Variants in CACNA1B observed in about 807,000 individuals in gnomAD.
CACNA1B encodes voltage-dependent N-type calcium channel subunit alpha-1B.
Under a neutral mutation model 247.2 loss-of-function variants are expected in CACNA1B, and 70 were observed. The ratio of observed to expected loss-of-function variants is 0.28; its 90% confidence interval spans 0.23 to 0.35. The LOEUF is 0.35. Ranked by LOEUF, CACNA1B falls within the 10% of genes least tolerant of loss-of-function variation. The probability of loss-of-function intolerance (pLI) is 1.00; values close to 1 mark genes in which losing one functional copy is unlikely to be tolerated. For missense variants in CACNA1B, 2,367 were observed against 3,197.4 expected (o/e 0.74, Z 6.26); for synonymous variants, 1,231 against 1,294.4 (o/e 0.95, Z 1.05).
At chr9:138,005,895 T>A (rs1181260610) in intron 15 of CACNA1B, among the ~76,000 whole-genome samples, 1 of 151,862 alleles carries the variant, frequency 6.6e-6, no homozygotes, top group Non-Finnish European at 1.5e-5. Flanking sequence ...TACAAAAAAT[T>A]AGCCGGGTGA....
At chr9:137,906,516 A>G (rs973432569) in intron 3 of CACNA1B, among the ~76,000 whole-genome samples, 7 of 151,618 alleles carry the variant, frequency 4.6e-5, no homozygotes, top group African/African-American at 1.2e-4. Context: ...CTGCATGTCC[A>G]TGTGTTGTCT....
At chr9:137,898,063 C>G (rs1437908066) in intron 3 of CACNA1B, among the ~76,000 whole-genome samples, 1 of 152,150 alleles carries the variant, frequency 6.6e-6, no homozygotes, top group Non-Finnish European at 1.5e-5. Context: ...GATTTCCCCT[C>G]CATTCCCCAA....
intron 6 of CACNA1B, among the ~76,000 whole-genome samples, chr9:137,922,333 C>T (rs1208913468): frequency 6.6e-6 from 1 of 151,274 alleles, no homozygotes; most frequent in African/African-American, 2.4e-5. Context: ...TGATCAGCAC[C>T]GCGATCACAC....
rs202158555 is a variant in CACNA1B at position 137,882,732 on chromosome 9, C to T, written c.391-12C>T. 4.5e-5 allele frequency: 72 copies of T among 1,613,820 alleles called. 1 individual carries two copies. The highest frequency in any genetic ancestry group is 2.2e-4 in the South Asian group (20 of 91,080). On this transcript the variant is annotated splice_polypyrimidine_tract_variant and intron_variant, in intron 2 of 46. Transcript: ENST00000371372. The surrounding 1 kb of genome is among the most constrained non-coding windows in gnomAD (Gnocchi z 4.0). ...GGGGCCAGGGGTGACCACTGTTCTG[C>T]GCTTCTCCTAGGACGACACGGAGCC...
Position 138,045,494 on chromosome 9 carries a change from G to A in CACNA1B, c.3414-1410G>A, listed in dbSNP as rs893504602. Among the ~76,000 whole-genome samples the A allele has an allele frequency of 3.0e-4, 46 of 152,204 alleles. 2 individuals are homozygous for A. Among genetic ancestry groups the A allele is most frequent in the African/African-American group, 9.9e-4 (41 of 41,450 alleles). ...TACAGAATTTGGTGATAAATTAGAT[G>A]TGGAAGGGGAAGGAGACATCGAGGA... On this transcript the variant is annotated intron_variant, in intron 21 of 46. Coordinates refer to ENST00000371372, the MANE Select transcript of CACNA1B (RefSeq NM_000718.4).
Position 138,115,569 on chromosome 9 carries a change from G to T in CACNA1B, c.5667G>T (p.Leu1889=). 1 of 1,613,514 alleles carries T rather than the reference G, an allele frequency of 6.2e-7. No homozygotes were observed. Among genetic ancestry groups the T allele is most frequent in the Non-Finnish European group, 8.5e-7 (1 of 1,179,818 alleles). Residue 1889 remains leucine, a synonymous_variant, in exon 42 of 47, where the codon CTG becomes CTT. Transcript: ENST00000371372. ...GGLSQMGPVS[L]FHPLKATLEQ... ...CTTTGCAGATGGGTCCTGTGTCCCT[G>T]TTCCACCCTCTGAAGGCCACCCTGG...
intron 6 of CACNA1B, among the ~76,000 whole-genome samples, chr9:137,932,719 G>A (rs1355649090): frequency 1.3e-5 from 2 of 152,144 alleles, no homozygotes; most frequent in Non-Finnish European, 2.9e-5. Flanking sequence ...AAGGGAAACC[G>A]TGAATGCAGC....
intron 7 of CACNA1B, among the ~76,000 whole-genome samples, chr9:137,953,729 G>A (rs996548653): frequency 1.3e-5 from 2 of 152,162 alleles, no homozygotes; most frequent in South Asian, 2.1e-4. Flanking sequence ...GAGAACAGCT[G>A]GGGTGGAGGC....
At chr9:138,096,389 C>T in intron 36 of CACNA1B, 95 bp from the exon 37 acceptor site, 1 of 1,054,054 alleles carries the variant, frequency 9.5e-7, no homozygotes, top group South Asian at 1.4e-5. Flanking sequence ...CCCTGCTATC[C>T]TGAGAGCTTC....
At chr9:138,085,411 A>G (rs1589119472) in intron 36 of CACNA1B, among the ~76,000 whole-genome samples, 1 of 151,134 alleles carries the variant, frequency 6.6e-6, no homozygotes, top group Non-Finnish European at 1.5e-5. Flanking sequence ...GCAAAAAAAT[A>G]TTTTATGGGT....
At chr9:138,118,564 C>T (rs1218674015) in intron 43 of CACNA1B, 88 bp from the exon 44 acceptor site, 60 of 665,986 alleles carry the variant, frequency 9.0e-5, no homozygotes, top group East Asian at 8.5e-4. Context: ...GGGTGAGACC[C>T]CAGTGCCTCA....
chr9:137,949,014 T>TTG (rs1367114542), intron 6 of CACNA1B, among the ~76,000 whole-genome samples: 1 of 144,194 alleles, frequency 6.9e-6, no homozygotes, highest in South Asian at 2.3e-4. Context: ...TATGTGTGTT[T>TTG]TGTGTGTGTG....
chr9:137,943,863 A>T (rs1224575832), intron 6 of CACNA1B, among the ~76,000 whole-genome samples: 3 of 152,216 alleles, frequency 2.0e-5, no homozygotes, highest in Non-Finnish European at 4.4e-5. Context: ...GATTGCCCTC[A>T]GCAAACCTCC....
chr9:137,893,237 T>TG, intron 3 of CACNA1B, among the ~76,000 whole-genome samples: 1 of 151,422 alleles, frequency 6.6e-6, no homozygotes, highest in East Asian at 1.9e-4. Flanking sequence ...GGCCCTTTTT[T>TG]TTTTTTTTTT....
chr9:138,030,390 T>C, intron 20 of CACNA1B, among the ~76,000 whole-genome samples: 1 of 152,198 alleles, frequency 6.6e-6, no homozygotes, highest in South Asian at 2.1e-4. Flanking sequence ...GTATTTTATA[T>C]TGATTTATTT....
chr9:138,053,112 T>C (rs1017192219), intron 25 of CACNA1B, among the ~76,000 whole-genome samples: 1 of 152,218 alleles, frequency 6.6e-6, no homozygotes, highest in Non-Finnish European at 1.5e-5. Context: ...GCCTACTGCT[T>C]TATCCTCAGT....
intron 15 of CACNA1B, among the ~76,000 whole-genome samples, chr9:138,000,469 C>A (rs539894612): frequency 6.6e-6 from 1 of 152,160 alleles, no homozygotes; most frequent in Non-Finnish European, 1.5e-5. Context: ...AAAACCTGGA[C>A]ATTTCATAAT....
intron 20 of CACNA1B, among the ~76,000 whole-genome samples, chr9:138,034,768 T>C (rs1959023467): frequency 6.6e-6 from 1 of 152,216 alleles, no homozygotes; most frequent in Non-Finnish European, 1.5e-5. Context: ...ATTTGCCTTA[T>C]ATATGATGTG....
At position 138,100,443 on chromosome 9, in the gene CACNA1B, G is replaced by T. The variant is rs920394159; in HGVS notation, c.5223-2268G>T. ...GGGTCTCACGTGTGTCCAGCCCCCCGTGGTGGTCCCTTGGCTGCCACAACC... is the reference window on the plus strand; with the variant it reads ...GGGTCTCACGTGTGTCCAGCCCCCCTTGGTGGTCCCTTGGCTGCCACAACC... On this transcript the variant is annotated intron_variant, in intron 37 of 46. Transcript: ENST00000371372. This position sits in a 1 kb window ranked among gnomAD's most constrained non-coding sequence, Gnocchi z 4.6. 6.6e-6 allele frequency among the ~76,000 whole-genome samples: 1 copy of T among 152,164 alleles called. No individual in the cohort carries two copies. The highest frequency in any genetic ancestry group is 1.5e-5 in the Non-Finnish European group (1 of 68,022).
Sources: allele counts gnomAD v4.1 joint callset (sites outside exome capture counted in the v4.1 genomes callset), GRCh38; gene constraint gnomAD v4.1.1; non-coding constraint Gnocchi (gnomAD v3.1); transcripts MANE v1.5; gene names NCBI Gene and HGNC (gene_info 2026-07-23, HGNC 2026-07-21).